Variants in ZBTB45 observed in about 807,000 individuals in gnomAD.
ZBTB45 encodes the protein zinc finger and BTB domain-containing protein 45.
In ZBTB45, 22 loss-of-function variants were observed where a neutral mutation model predicts 28.4. The observed-to-expected ratio is 0.77, with a 90% CI of 0.55 to 1.10. ZBTB45 has a LOEUF of 1.10. ZBTB45 is among the 50% of genes least tolerant of loss of function. The pLI is 0.00. For missense variants in ZBTB45, 656 were observed against 750.2 expected, an observed-to-expected ratio of 0.87 and a Z score of 1.47; for synonymous variants, 361 against 332.3, an observed-to-expected ratio of 1.09 and a Z score of -0.94.
At chr19:58,522,576 A>G (rs1355606424), upstream of ZBTB45, among the ~76,000 whole-genome samples, 1 of 152,102 alleles carries the variant, frequency 6.6e-6, no homozygotes, top group Non-Finnish European at 1.5e-5. Flanking sequence ...CAGAGGTTAT[A>G]GTGAGCTGAG....
rs186607592 is a variant in ZBTB45 at position 58,525,340 on chromosome 19, A to G, written c.1-7667T>C. Among the ~76,000 whole-genome samples, 537 of 152,350 alleles carry G rather than the reference A, an allele frequency of 3.5e-3. 2 individuals are homozygous for G. The highest frequency in any genetic ancestry group is 0.012 in the African/African-American group (494 of 41,588). On this transcript the variant is annotated intron_variant, in intron 1 of 1. Transcript: ENST00000600130. Reference sequence around the variant, plus strand: ...GGCATTTCAAGTACTAAATGAGTACACACAGGAGCAGGCACTAAGCATATA... The same window carrying G: ...GGCATTTCAAGTACTAAATGAGTACGCACAGGAGCAGGCACTAAGCATATA...
chr19:58,524,715 C>G (rs957085738), upstream of ZBTB45, among the ~76,000 whole-genome samples: 5 of 151,796 alleles, frequency 3.3e-5, no homozygotes, highest in Non-Finnish European at 5.9e-5. Context: ...AACCCCATCT[C>G]TACTAAAAAT....
chr19:58,533,567 T>C (rs1480457284), intron 1 of ZBTB45, among the ~76,000 whole-genome samples: 5 of 151,898 alleles, frequency 3.3e-5, no homozygotes, highest in Non-Finnish European at 7.4e-5. Flanking sequence ...TTTTTTTTTT[T>C]AAGCTGCCAT....
upstream of ZBTB45, among the ~76,000 whole-genome samples, chr19:58,520,388 C>T (rs1163782755): frequency 6.6e-6 from 1 of 152,148 alleles, no homozygotes; most frequent in African/African-American, 2.4e-5. Flanking sequence ...GATTCTGGGA[C>T]ATTGCAAGTC....
At chr19:58,523,735 A>G (rs1265108867), upstream of ZBTB45, among the ~76,000 whole-genome samples, 1 of 136,292 alleles carries the variant, frequency 7.3e-6, no homozygotes, top group Non-Finnish European at 1.6e-5. Context: ...CAGTGGCGCA[A>G]TCCTGGCTCA....
In ZBTB45 at chr19:58,513,926, G is replaced by GGA; in HGVS notation, c.*126_*127dup. On this transcript the variant is annotated 3_prime_UTR_variant, in exon 3 of 3. Coordinates refer to ENST00000594051, the MANE Select transcript of ZBTB45 (RefSeq NM_001316979.2). ...GCCCTGGTATGGAGAAAGGGTGAAG[G>GGA]GAGAGAGAGGACCTGCGCTCAGGAG... is the stretch of plus-strand genomic sequence containing the variant. The GGA allele has an allele frequency of 8.7e-7, 1 of 1,154,040 alleles. No homozygotes were observed. 71.5% of individuals were successfully genotyped at this position (1,154,040 alleles called of 1,614,324 possible). A position where few individuals can be genotyped will look rare whatever the true frequency, so the allele number is the denominator to read the frequency against.
At chr19:58,538,201 T>TTTTTC (rs566372793) in intron 1 of ZBTB45, among the ~76,000 whole-genome samples, 292 of 151,922 alleles carry the variant, frequency 1.9e-3, no homozygotes, top group Middle Eastern at 6.8e-3. Flanking sequence ...CAACTTTTTT[T>TTTTTC]TTTTCTTTTC....
At chr19:58,522,466 C>G (rs1424786981), upstream of ZBTB45, among the ~76,000 whole-genome samples, 3 of 151,974 alleles carry the variant, frequency 2.0e-5, no homozygotes, top group East Asian at 5.9e-4. Flanking sequence ...CCGGCCTGTC[C>G]CTACTAAAAA....
upstream of ZBTB45, among the ~76,000 whole-genome samples, chr19:58,522,802 A>T (rs1246034224): frequency 6.6e-6 from 1 of 151,970 alleles, no homozygotes; most frequent in African/African-American, 2.4e-5. Context: ...GCCTCTGAGG[A>T]GGGAGGACGG....
At position 58,516,853 on chromosome 19, in the gene ZBTB45, C is replaced by T. The variant is rs142518054; in HGVS notation, c.821G>A (p.Arg274Gln). Residue 274 changes from arginine to glutamine, a missense_variant, in exon 2 of 3, where the codon CGG (arginine) becomes CAG (glutamine). Arg to Gln is a conservative substitution (Grantham distance 43). Around this residue, in one of 3 missense-constraint regions of ZBTB45, gnomAD observed 448 missense variants for 444.3 expected, o/e 1.01. Coordinates refer to ENST00000594051, the MANE Select transcript of ZBTB45 (RefSeq NM_001316979.2). The surrounding 1 kb of genome is among the most constrained non-coding windows in gnomAD (Gnocchi z 6.2). ...DYSGAGRDFL[R>Q]GAGSAEDVFP... ...TACGTCCTCAGCTGACCCAGCTCCC[C>T]GAAGAAAATCTCTCCCGGCACCACT... 76 of 1,613,532 alleles carry T rather than the reference C, an allele frequency of 4.7e-5. No homozygotes were observed. In the Middle Eastern group the frequency reaches 8.2e-4, roughly 18 times the overall value.
At position 58,534,202 on chromosome 19, in the gene ZBTB45, CAGGGGCTGGTTGG is replaced by C. The variant is rs968208020; in HGVS notation, c.-1+4486_-1+4498del. Among the ~76,000 whole-genome samples, 59 of 152,158 alleles carry C rather than the reference CAGGGGCTGGTTGG, an allele frequency of 3.9e-4. No individual in the cohort carries two copies. The East Asian group carries it at 8.9e-3, about 23-fold the overall frequency. On this transcript the variant is annotated intron_variant, in intron 1 of 1. Coordinates refer to the ZBTB45 transcript ENST00000600130. ...AGACAGAAAGTAGATTAGTGATTGT[CAGGGGCTGGTTGG>C]AGGGGGACTGTGGAGTGAGTGTTAA... is the stretch of plus-strand genomic sequence containing the variant.
At chr19:58,537,010 C>T (rs1352782251) in intron 1 of ZBTB45, among the ~76,000 whole-genome samples, 1 of 152,124 alleles carries the variant, frequency 6.6e-6, no homozygotes, top group African/African-American at 2.4e-5. Flanking sequence ...CTCTGCCGGG[C>T]CACCTGGGGA....
upstream of ZBTB45, among the ~76,000 whole-genome samples, chr19:58,521,541 A>G (rs1337333806): frequency 6.6e-6 from 1 of 152,100 alleles, no homozygotes; most frequent in East Asian, 1.9e-4. Context: ...TGAGACCCAC[A>G]GAAGACCTAC....
chr19:58,535,118 G>A (rs1227566738), intron 1 of ZBTB45, among the ~76,000 whole-genome samples: 1 of 148,534 alleles, frequency 6.7e-6, no homozygotes, highest in African/African-American at 2.5e-5. Context: ...TGATCCGCCC[G>A]CCTTGGCCTC....
intron 1 of ZBTB45, among the ~76,000 whole-genome samples, chr19:58,537,569 C>G (rs1026641124): frequency 6.6e-6 from 1 of 152,104 alleles, no homozygotes; most frequent in Non-Finnish European, 1.5e-5. Flanking sequence ...CACCTCCCAC[C>G]ACTCCTCACT....
At chr19:58,520,852 A>C (rs2053570853), upstream of ZBTB45, among the ~76,000 whole-genome samples, 1 of 151,226 alleles carries the variant, frequency 6.6e-6, no homozygotes, top group Non-Finnish European at 1.5e-5. Context: ...GGAGATCGAG[A>C]CCATCCTGAC....
At chr19:58,526,637 T>G (rs1302928706) in intron 1 of ZBTB45, among the ~76,000 whole-genome samples, 93 of 144,418 alleles carry the variant, frequency 6.4e-4, no homozygotes, top group Middle Eastern at 3.5e-3. Context: ...GTTCACGCCA[T>G]TCTCCTGCCT....
intron 1 of ZBTB45, among the ~76,000 whole-genome samples, chr19:58,532,175 T>C (rs2053638547): frequency 6.6e-6 from 1 of 152,218 alleles, no homozygotes; most frequent in South Asian, 2.1e-4. Flanking sequence ...TCTCTGGGAA[T>C]GTTTTCCCAT....
At position 58,513,953 on chromosome 19, in the gene ZBTB45, G is replaced by T; in HGVS notation, c.*101C>A. On this transcript the variant is annotated 3_prime_UTR_variant, in exon 3 of 3. Coordinates refer to ENST00000594051, the MANE Select transcript of ZBTB45 (RefSeq NM_001316979.2). ...AGAGAGAGGACCTGCGCTCAGGAGG[G>T]AGCGTGGTCTAGTGGCGGGAACCAC... 1.5e-6 allele frequency: 2 copies of T among 1,303,752 alleles called. No individual in the cohort carries two copies. The highest frequency in any genetic ancestry group is 2.0e-6 in the Non-Finnish European group (2 of 1,014,914). The allele number at this position is 1,303,752 out of a possible 1,614,324, so 80.8% of individuals were successfully genotyped here.
Sources: allele counts gnomAD v4.1 joint callset (sites outside exome capture counted in the v4.1 genomes callset), GRCh38; gene constraint gnomAD v4.1.1; regional missense constraint gnomAD v4.1.1; non-coding constraint Gnocchi (gnomAD v3.1); transcripts MANE v1.5; gene names NCBI Gene and HGNC (gene_info 2026-07-23, HGNC 2026-07-21).